UTP20: variants seen among roughly 807,000 people sequenced by gnomAD.
The protein encoded by UTP20 is small subunit processome component 20 homolog.
In UTP20, 164 loss-of-function variants were observed where a neutral mutation model predicts 329.5. That is an observed-to-expected ratio of 0.50 (90% CI 0.44 to 0.57). The LOEUF is 0.57. Among genes scored for constraint, UTP20 ranks in the 20% least tolerant of loss-of-function variants. The pLI is 0.00. For synonymous variants in UTP20, 1,151 were observed against 1,159.3 expected (o/e 0.99, Z 0.14); for missense variants, 3,055 against 3,284.2 (o/e 0.93, Z 1.71).
rs1487683303 is a variant in UTP20 at position 101,305,915 on chromosome 12, A to G, written c.1782A>G (p.Leu594=). The change falls in exon 16 of 62, where the codon TTA becomes TTG. Residue 594 remains leucine (L), a splice_region_variant and synonymous_variant. Transcript: ENST00000261637. The part of the protein sequence containing the change: ...VPVERVKNLV[L]TFPLEPSVLL... ...GGGTCTAATGAACATCTCGTTGCAG[A>G]ACCTTTCCCCTGGAGCCATCTGTGT... is the stretch of plus-strand genomic sequence containing the variant. The G allele has an allele frequency of 6.3e-7, 1 of 1,595,428 alleles. No homozygotes were observed. The highest frequency in any genetic ancestry group is 1.3e-5 in the African/African-American group (1 of 74,338).
intron 2 of UTP20, among the ~76,000 whole-genome samples, chr12:101,283,517 G>A (rs954041583): frequency 6.6e-6 from 1 of 152,184 alleles, no homozygotes; most frequent in Non-Finnish European, 1.5e-5. Flanking sequence ...CCGTCTCTTG[G>A]TGAAAGGAGC....
At chr12:101,343,213 A>C in intron 35 of UTP20, 120 bp downstream of exon 35, 1 of 622,776 alleles carries the variant, frequency 1.6e-6, no homozygotes, top group Non-Finnish European at 2.6e-6. Flanking sequence ...TTTTAGGATT[A>C]AATTTCTTTT....
chr12:101,293,324 T>C, intron 11 of UTP20, 79 bp downstream of exon 11: 1 of 1,353,658 alleles, frequency 7.4e-7, no homozygotes, highest in Non-Finnish European at 1.0e-6. Flanking sequence ...AATCCTGTTA[T>C]TTCTGTTTGT....
chr12:101,371,178 G>C lies in UTP20; in HGVS notation c.6798+10G>C, dbSNP rs1046674252. The C allele has an allele frequency of 6.3e-7, 1 of 1,592,680 alleles. No homozygotes were observed. The highest frequency in any genetic ancestry group is 8.6e-7 in the Non-Finnish European group (1 of 1,168,488). On this transcript the variant is annotated intron_variant, in intron 51 of 61. Transcript: ENST00000261637. ...GGTCCAGTGTAGACAGGTTTGTAGAGAGCACTTATCCCCATAGCAAGGGCT... is the reference window on the plus strand; with the variant it reads ...GGTCCAGTGTAGACAGGTTTGTAGACAGCACTTATCCCCATAGCAAGGGCT...
intron 43 of UTP20, among the ~76,000 whole-genome samples, chr12:101,357,412 A>G (rs1230738853): frequency 1.3e-5 from 2 of 152,166 alleles, no homozygotes; most frequent in African/African-American, 4.8e-5. Context: ...GTGAATGATA[A>G]AGAACATACA....
At chr12:101,365,136 T>C (rs997852617) in intron 45 of UTP20, among the ~76,000 whole-genome samples, 3 of 149,626 alleles carry the variant, frequency 2.0e-5, no homozygotes, top group African/African-American at 7.5e-5. Flanking sequence ...CCCCTGTTAA[T>C]GTACCAGGAG....
chr12:101,324,250 A>C (rs1868481569), intron 25 of UTP20, among the ~76,000 whole-genome samples: 1 of 151,426 alleles, frequency 6.6e-6, no homozygotes, highest in Non-Finnish European at 1.5e-5. Flanking sequence ...TTATTTATTT[A>C]TTTCAGAGAC....
intron 5 of UTP20, among the ~76,000 whole-genome samples, chr12:101,288,103 G>A (rs1036396407): frequency 3.3e-5 from 5 of 152,326 alleles, no homozygotes; most frequent in Admixed American, 3.3e-4. Flanking sequence ...GCCCAAGCTT[G>A]TATGACTTGA....
intron 21 of UTP20, among the ~76,000 whole-genome samples, chr12:101,315,692 G>A (rs1245897051): frequency 6.6e-6 from 1 of 152,122 alleles, no homozygotes; most frequent in Non-Finnish European, 1.5e-5. Flanking sequence ...ATGATGTTTA[G>A]CTTTTTTTGC....
intron 12 of UTP20, among the ~76,000 whole-genome samples, chr12:101,298,171 A>T (rs1452244531): frequency 6.6e-6 from 1 of 152,206 alleles, no homozygotes; most frequent in Non-Finnish European, 1.5e-5. Context: ...GGTATCAGGC[A>T]CTGGATACTG....
At chr12:101,290,651 A>T (rs1374374741) in intron 7 of UTP20, 82 bp from the exon 8 acceptor site, 27 of 1,434,572 alleles carry the variant, frequency 1.9e-5, no homozygotes, top group Non-Finnish European at 2.5e-5. Context: ...AAGGTAGCTA[A>T]TGTAATCAGA....
chr12:101,345,960 TAAAC>T (rs1333477749), intron 37 of UTP20, among the ~76,000 whole-genome samples: 3 of 152,230 alleles, frequency 2.0e-5, no homozygotes, highest in Non-Finnish European at 4.4e-5. Flanking sequence ...GGTCCATTGT[TAAAC>T]AAATGCTATG....
Position 101,280,408 on chromosome 12 carries a change from G to A in UTP20, c.45+81G>A, listed in dbSNP as rs958181726. On this transcript the variant is annotated intron_variant, in intron 1 of 61. Coordinates refer to ENST00000261637, the MANE Select transcript of UTP20 (RefSeq NM_014503.3). ...ACAGGCTCTGAGCGAGACTCCAGGGGCCTCAGACTTCTGGGCCGAGTGTGT... is the reference window on the plus strand; with the variant it reads ...ACAGGCTCTGAGCGAGACTCCAGGGACCTCAGACTTCTGGGCCGAGTGTGT... The A allele has an allele frequency of 5.3e-6, 8 of 1,519,266 alleles. No individual in the cohort carries two copies. The South Asian group carries it at 6.0e-5, about 11-fold the overall frequency. 94.1% of individuals were successfully genotyped at this position (1,519,266 alleles called of 1,614,324 possible).
intron 11 of UTP20, among the ~76,000 whole-genome samples, chr12:101,294,494 G>C (rs1367402213): frequency 2.0e-5 from 3 of 151,274 alleles, no homozygotes; most frequent in Admixed American, 2.0e-4. Context: ...ATATAAACAA[G>C]GAGTATTTTA....
Position 101,373,643 on chromosome 12 carries a change from A to G in UTP20, c.7007A>G (p.Asn2336Ser), listed in dbSNP as rs778124444. The G allele has an allele frequency of 2.4e-5, 38 of 1,613,292 alleles. No individual in the cohort carries two copies. The highest frequency in any genetic ancestry group is 1.8e-4 in the East Asian group (8 of 44,880). Reference protein sequence around the residue: ...FFIPLCLMTINDDSATCKKMA... With the variant: ...FFIPLCLMTISDDSATCKKMA... ...ATCCCTCTTTGTCTAATGACGATCAATGATGACTCTGCCACGTGCAAAAAG... is the reference window on the plus strand; with the variant it reads ...ATCCCTCTTTGTCTAATGACGATCAGTGATGACTCTGCCACGTGCAAAAAG... Residue 2336 changes from asparagine (N) to serine (S), a missense_variant, in exon 54 of 62, where the codon AAT becomes AGT. By Grantham distance (46) the Asn-to-Ser change is conservative (BLOSUM62 1). Transcript: ENST00000261637.
intron 43 of UTP20, among the ~76,000 whole-genome samples, chr12:101,360,998 C>A (rs1869895228): frequency 6.6e-6 from 1 of 152,160 alleles, no homozygotes; most frequent in Non-Finnish European, 1.5e-5. Flanking sequence ...GCTTGAGAGG[C>A]AGGATAACCT....
chr12:101,369,781 G>C lies in UTP20; in HGVS notation c.6445G>C (p.Glu2149Gln). Residue 2149 changes from glutamate (E) to glutamine (Q), a missense_variant, in exon 49 of 62, where the codon GAA becomes CAA. This residue lies in a region of UTP20 where 2,445 missense variants were observed against 2,575.5 expected (regional missense o/e 0.95). Coordinates refer to ENST00000261637, the MANE Select transcript of UTP20 (RefSeq NM_014503.3). ...WVLRFPLPSI[E>Q]TKAEQLTKHL... is the part of the protein sequence containing the mutation. ...CTTGAGGTTCCCGCTACCTTCCATA[G>C]AAACAAAAGCAGAGCAGCTGACAAA... 1 of 1,611,232 alleles carries C rather than the reference G, an allele frequency of 6.2e-7. No homozygotes were observed. The highest frequency in any genetic ancestry group is 1.1e-5 in the South Asian group (1 of 91,008).
intron 60 of UTP20, among the ~76,000 whole-genome samples, chr12:101,385,281 G>A (rs1178160993): frequency 6.6e-6 from 1 of 152,062 alleles, no homozygotes; most frequent in Non-Finnish European, 1.5e-5. Flanking sequence ...GGTTTCCGCT[G>A]GGAAGTGGGC....
At position 101,296,992 on chromosome 12, in the gene UTP20, T is replaced by G. The variant is rs574723598; in HGVS notation, c.1430+1334T>G. On this transcript the variant is annotated intron_variant, in intron 12 of 61. Coordinates refer to ENST00000261637, the MANE Select transcript of UTP20 (RefSeq NM_014503.3). Reference sequence around the variant, plus strand: ...CCTTGTCATTCCTTTGTTTTTATACTTAATCTTCTTATTTCTCTTGGAGTA... The same window carrying G: ...CCTTGTCATTCCTTTGTTTTTATACGTAATCTTCTTATTTCTCTTGGAGTA... Among the ~76,000 whole-genome samples, 5 of 152,252 alleles carry G rather than the reference T, an allele frequency of 3.3e-5. No homozygotes were observed. In the East Asian group the frequency reaches 9.7e-4, roughly 29 times the overall value.
Sources: allele counts gnomAD v4.1 joint callset (sites outside exome capture counted in the v4.1 genomes callset), GRCh38; gene constraint gnomAD v4.1.1; regional missense constraint gnomAD v4.1.1; transcripts MANE v1.5; gene names NCBI Gene and HGNC (gene_info 2026-07-23, HGNC 2026-07-21).